The following OTUD7A variants were observed in gnomAD, a reference collection of about 807,000 sequenced individuals.
The protein encoded by OTUD7A is OTU deubiquitinase 7A, also known as OTU domain-containing protein 7A.
In OTUD7A, 12 loss-of-function variants were observed where a neutral mutation model predicts 65.7. The observed-to-expected ratio is 0.18, with a 90% CI of 0.12 to 0.30. The LOEUF (loss-of-function observed/expected upper bound fraction) is 0.30, where lower values mean the gene tolerates loss of function less well. Among genes scored for constraint, OTUD7A ranks in the 10% least tolerant of loss-of-function variants. The pLI is 1.00. For missense variants in OTUD7A, 1,148 were observed against 1,304.8 expected (o/e 0.88, Z 1.85); for synonymous variants, 641 against 586.3 (o/e 1.09, Z -1.35).
intron 8 of OTUD7A, among the ~76,000 whole-genome samples, chr15:31,520,692 T>C (rs2041925284): frequency 6.6e-6 from 1 of 152,208 alleles, no homozygotes; most frequent in Non-Finnish European, 1.5e-5. Flanking sequence ...TTGGTAGGAA[T>C]GTAAATTCAT....
At chr15:31,523,990 C>T (rs1024071449) in intron 8 of OTUD7A, among the ~76,000 whole-genome samples, 2 of 152,196 alleles carry the variant, frequency 1.3e-5, no homozygotes, top group African/African-American at 4.8e-5. Flanking sequence ...TCCCCATTCC[C>T]AGGAAAATGT....
chr15:31,570,084 G>T lies in OTUD7A; in HGVS notation c.265C>A (p.Arg89=), dbSNP rs757148409. 2 of 1,614,194 alleles carry T rather than the reference G, an allele frequency of 1.2e-6. No individual in the cohort carries two copies. The highest frequency in any genetic ancestry group is 3.3e-5 in the Admixed American group (2 of 60,022). ...ACCTTGTGCCCGGGCTGTGGCTCTCGCTCTGGCTGCTTGGGACCCCGCCCT... is the reference window on the plus strand; with the variant it reads ...ACCTTGTGCCCGGGCTGTGGCTCTCTCTCTGGCTGCTTGGGACCCCGCCCT... The part of the protein sequence containing the change: ...NEGRGPKQPE[R]EPQPGHKVER... The change falls in exon 4 of 13, where the codon CGA becomes AGA. Residue 89 remains arginine (R), a synonymous_variant. Coordinates refer to ENST00000307050, the MANE Select transcript of OTUD7A (RefSeq NM_001382637.1).
chr15:31,642,120 A>C (rs1396923666), intron 3 of OTUD7A, among the ~76,000 whole-genome samples: 1 of 152,214 alleles, frequency 6.6e-6, no homozygotes, highest in Admixed American at 6.5e-5. Flanking sequence ...TCTAAAAATC[A>C]AGGACGAATG....
chr15:31,644,007 G>A (rs181641840), intron 3 of OTUD7A, among the ~76,000 whole-genome samples: 14 of 152,274 alleles, frequency 9.2e-5, no homozygotes, highest in African/African-American at 2.2e-4. Context: ...GGGGTACCTG[G>A]GGCCAGGTGT....
intron 1 of OTUD7A, among the ~76,000 whole-genome samples, chr15:31,813,820 T>A (rs769693458): frequency 2.2e-4 from 33 of 152,330 alleles, no homozygotes; most frequent in Non-Finnish European, 4.1e-4. Flanking sequence ...TCCTAGAATA[T>A]CCAGGCCCAA....
At chr15:31,734,701 T>C (rs186620418) in intron 1 of OTUD7A, among the ~76,000 whole-genome samples, 7 of 151,956 alleles carry the variant, frequency 4.6e-5, no homozygotes, top group East Asian at 1.9e-4. Flanking sequence ...TGGCTAGCCA[T>C]GTATGGAAGA....
chr15:31,629,269 C>T (rs1261777996), intron 3 of OTUD7A, among the ~76,000 whole-genome samples: 9 of 152,164 alleles, frequency 5.9e-5, no homozygotes, highest in Non-Finnish European at 1.2e-4. Context: ...TATGTCCAAT[C>T]AATACCTAAT....
intron 1 of OTUD7A, among the ~76,000 whole-genome samples, chr15:31,680,216 A>T (rs779851255): frequency 6.6e-6 from 1 of 152,116 alleles, no homozygotes; most frequent in Non-Finnish European, 1.5e-5. Context: ...AGCAGGGGGC[A>T]TTTTTTTAGT....
At chr15:31,628,312 G>T (rs550262725) in intron 3 of OTUD7A, among the ~76,000 whole-genome samples, 21 of 152,208 alleles carry the variant, frequency 1.4e-4, no homozygotes, top group South Asian at 1.2e-3. Context: ...TCTACATATG[G>T]CCAGCCAGTT....
intron 1 of OTUD7A, among the ~76,000 whole-genome samples, chr15:31,664,342 T>A (rs867626622): frequency 6.7e-6 from 1 of 150,252 alleles, no homozygotes. Context: ...GTTGATTTTT[T>A]TTTTTTATTA....
chr15:31,788,433 C>G (rs1895730543), intron 1 of OTUD7A, among the ~76,000 whole-genome samples: 1 of 152,238 alleles, frequency 6.6e-6, no homozygotes, highest in Non-Finnish European at 1.5e-5. Context: ...TTTCCTCCTT[C>G]TCATCTCTTT....
intron 5 of OTUD7A, chr15:31,556,756 G>A (rs928847861): frequency 5.9e-5 from 9 of 152,344 alleles, no homozygotes; most frequent in African/African-American, 1.9e-4. Flanking sequence ...CTACACCGCC[G>A]TAGCATTCAA....
At chr15:31,826,313 T>C (rs141038989) in intron 1 of OTUD7A, among the ~76,000 whole-genome samples, 420 of 152,362 alleles carry the variant, frequency 2.8e-3, no homozygotes, top group Admixed American at 5.0e-3. Flanking sequence ...AATTTCTGTG[T>C]ACCCACAGAC....
chr15:31,709,354 C>T (rs1272895484), intron 1 of OTUD7A, among the ~76,000 whole-genome samples: 2 of 152,188 alleles, frequency 1.3e-5, no homozygotes, highest in Non-Finnish European at 2.9e-5. Flanking sequence ...GCCAGCGGGG[C>T]ACCACAGGTG....
intron 3 of OTUD7A, among the ~76,000 whole-genome samples, chr15:31,581,444 T>TC (rs1431276244): frequency 6.6e-6 from 1 of 152,236 alleles, no homozygotes; most frequent in African/African-American, 2.4e-5. Context: ...ACATTTCCCT[T>TC]CCACACTGCA....
intron 8 of OTUD7A, among the ~76,000 whole-genome samples, chr15:31,507,448 TC>T (rs1390107791): frequency 1.3e-5 from 2 of 152,114 alleles, no homozygotes; most frequent in Non-Finnish European, 2.9e-5. Context: ...CTGTAGTGTA[TC>T]CGGAGTTGGT....
chr15:31,784,173 A>G (rs1256036184), intron 1 of OTUD7A, among the ~76,000 whole-genome samples: 3 of 152,244 alleles, frequency 2.0e-5, no homozygotes, highest in African/African-American at 4.8e-5. Flanking sequence ...TGGAGTATGA[A>G]AAGTTTACCA....
At chr15:31,564,421 A>T (rs1888799209) in intron 4 of OTUD7A, among the ~76,000 whole-genome samples, 1 of 117,098 alleles carries the variant, frequency 8.5e-6, no homozygotes, top group Non-Finnish European at 2.0e-5. Flanking sequence ...AAAAGAATAC[A>T]TGTGAATAAA....
intron 3 of OTUD7A, among the ~76,000 whole-genome samples, chr15:31,639,683 C>T (rs913092662): frequency 6.6e-6 from 1 of 151,892 alleles, no homozygotes; most frequent in Non-Finnish European, 1.5e-5. Context: ...ATTTGGTATG[C>T]TCAGTATTGT....
Sources: gnomAD v4.1 joint callset for allele counts (sites outside exome capture counted in the v4.1 genomes callset) on GRCh38, gnomAD v4.1.1 for gene constraint, MANE v1.5 for transcripts, NCBI Gene and HGNC (gene_info 2026-07-23, HGNC 2026-07-21) for gene names.